Variants in AJAP1 observed in about 807,000 individuals in gnomAD.
AJAP1 encodes the protein adherens junction-associated protein 1.
AJAP1 carries 5 observed loss-of-function variants against 35.0 expected under a neutral mutation model. The observed-to-expected ratio is 0.14, with a 90% confidence interval of 0.07 to 0.30. AJAP1 has a LOEUF of 0.30. Among genes scored for constraint, AJAP1 ranks in the 10% least tolerant of loss-of-function variants. The probability of loss-of-function intolerance (pLI) is 1.00; values close to 1 mark genes in which losing one functional copy is unlikely to be tolerated. For synonymous variants in AJAP1, 284 were observed against 249.3 expected (o/e 1.14, Z -1.31); for missense variants, 586 against 571.0 (o/e 1.03, Z -0.27).
intron 2 of AJAP1, among the ~76,000 whole-genome samples, chr1:4,749,174 C>T (rs963101920): frequency 1.3e-5 from 2 of 152,176 alleles, no homozygotes; most frequent in African/African-American, 2.4e-5. Context: ...TGAGCTCACA[C>T]GGTGAGCAGA....
chr1:4,751,399 GA>G (rs1641317939), intron 2 of AJAP1, among the ~76,000 whole-genome samples: 1 of 152,264 alleles, frequency 6.6e-6, no homozygotes. Flanking sequence ...AGCTAGCAGA[GA>G]GGTCCCAGCC....
At chr1:4,675,326 G>A (rs1173503455) in intron 1 of AJAP1, among the ~76,000 whole-genome samples, 1 of 152,242 alleles carries the variant, frequency 6.6e-6, no homozygotes, top group African/African-American at 2.4e-5. Flanking sequence ...AGCCAGCCAA[G>A]GGAAGACACG....
chr1:4,663,845 C>T (rs928196257), intron 1 of AJAP1, among the ~76,000 whole-genome samples: 1 of 152,076 alleles, frequency 6.6e-6, no homozygotes, highest in Admixed American at 6.5e-5. Flanking sequence ...AGACTGTTTG[C>T]CGTGTCTGCA....
At position 4,677,723 on chromosome 1, in the gene AJAP1, G is replaced by A. The variant is rs189738184; in HGVS notation, c.29+22269G>A. 2.0e-4 allele frequency among the ~76,000 whole-genome samples: 29 copies of A among 141,960 alleles called. No homozygotes were observed. In the South Asian group the frequency reaches 2.2e-3, roughly 11 times the overall value. The allele number at this position is 141,960 out of a possible 152,430, so 93.1% of individuals were successfully genotyped here. On this transcript the variant is annotated intron_variant, in intron 1 of 5. Coordinates refer to ENST00000378191, the MANE Select transcript of AJAP1 (RefSeq NM_018836.4). Reference sequence around the variant, plus strand: ...CAGATGATATTCCAGGTAATGCTCCGAATGAAAATGATGTGCATTCAAAAA... The same window carrying A: ...CAGATGATATTCCAGGTAATGCTCCAAATGAAAATGATGTGCATTCAAAAA...
intron 1 of AJAP1, among the ~76,000 whole-genome samples, chr1:4,700,335 C>T (rs1230000676): frequency 6.6e-6 from 1 of 152,104 alleles, no homozygotes; most frequent in African/African-American, 2.4e-5. Context: ...CTGGGGTCTT[C>T]CACAACATAC....
At chr1:4,762,734 G>A (rs759369590) in intron 2 of AJAP1, among the ~76,000 whole-genome samples, 4 of 152,120 alleles carry the variant, frequency 2.6e-5, no homozygotes, top group African/African-American at 7.2e-5. Flanking sequence ...TAAGCCTGAG[G>A]GTGATTGTGG....
intron 1 of AJAP1, among the ~76,000 whole-genome samples, chr1:4,688,800 A>C (rs555218077): frequency 3.1e-3 from 467 of 148,430 alleles, no homozygotes; most frequent in Middle Eastern, 7.1e-3. Flanking sequence ...AAAAGAAAGG[A>C]TCGTGATGCC....
At chr1:4,758,774 C>T (rs764699741) in intron 2 of AJAP1, among the ~76,000 whole-genome samples, 1 of 152,178 alleles carries the variant, frequency 6.6e-6, no homozygotes, top group Non-Finnish European at 1.5e-5. Context: ...GTGCATACGT[C>T]AGGCTGCTGC....
intron 2 of AJAP1, among the ~76,000 whole-genome samples, chr1:4,714,205 G>A (rs1393023899): frequency 6.6e-6 from 1 of 152,234 alleles, no homozygotes; most frequent in Non-Finnish European, 1.5e-5. Context: ...CAGAGATGGA[G>A]GCTGTGGGCT....
In AJAP1 at chr1:4,770,927, G is replaced by A. The variant is rs559387695; in HGVS notation, c.917+987G>A. On this transcript the variant is annotated intron_variant, in intron 3 of 5. Coordinates refer to ENST00000378191, the MANE Select transcript of AJAP1 (RefSeq NM_018836.4). The stretch of plus-strand genomic sequence containing the variant: ...GACCCCGGGCGTTTTCTGGAGACAG[G>A]GGATGAGAGAACAACACGGAGCTCA... Among the ~76,000 whole-genome samples, 8 of 152,194 alleles carry A rather than the reference G, an allele frequency of 5.3e-5. 1 individual carries two copies. In the South Asian group the frequency reaches 1.2e-3, roughly 24 times the overall value.
intron 5 of AJAP1, among the ~76,000 whole-genome samples, chr1:4,780,545 G>T (rs1642037817): frequency 6.6e-6 from 1 of 152,032 alleles, no homozygotes; most frequent in Non-Finnish European, 1.5e-5. Context: ...GGGCACAGCT[G>T]GAGTAAGGCT....
At chr1:4,771,668 G>A (rs1391987686) in intron 3 of AJAP1, among the ~76,000 whole-genome samples, 1 of 152,176 alleles carries the variant, frequency 6.6e-6, no homozygotes, top group Non-Finnish European at 1.5e-5. Flanking sequence ...TGGTTCAGAG[G>A]AACTAGACCA....
Position 4,723,709 on chromosome 1 carries a change from C to A in AJAP1, c.829+11010C>A, listed in dbSNP as rs191174124. Reference sequence around the variant, plus strand: ...GAATATTTTGAGGAGCTTTGCTCTGCAGGGGTTTGGGGAAAGGGAAGCTGT... The same window carrying A: ...GAATATTTTGAGGAGCTTTGCTCTGAAGGGGTTTGGGGAAAGGGAAGCTGT... On this transcript the variant is annotated intron_variant, in intron 2 of 5. Transcript: ENST00000378191. The surrounding 1 kb of genome is among the most constrained non-coding windows in gnomAD (Gnocchi z 4.3). 2.6e-5 allele frequency among the ~76,000 whole-genome samples: 4 copies of A among 151,862 alleles called. No homozygotes were observed. The East Asian group carries it at 7.7e-4, about 29-fold the overall frequency.
At chr1:4,687,435 G>A (rs1639632383) in intron 1 of AJAP1, among the ~76,000 whole-genome samples, 2 of 152,232 alleles carry the variant, frequency 1.3e-5, no homozygotes, top group South Asian at 4.1e-4. Context: ...TGCTCAGCGT[G>A]AGGTCAAGCC....
chr1:4,712,376 C>T lies in AJAP1; in HGVS notation c.506C>T (p.Ser169Phe). The change falls in exon 2 of 6, where the codon TCC becomes TTC. Residue 169 changes from serine (S) to phenylalanine (F), a missense_variant. Transcript: ENST00000378191. ...GGGGACGGTCTCAGCAGCTTCGACT[C>T]CAGAGGCAGCCGGCCCACCACAGAG... is the stretch of plus-strand genomic sequence containing the variant. ...LQGDGLSSFDSRGSRPTTETE... is the reference protein window; with the variant it reads ...LQGDGLSSFDFRGSRPTTETE... 6.5e-7 allele frequency: 1 copy of T among 1,543,990 alleles called. No individual in the cohort carries two copies. Among genetic ancestry groups the T allele is most frequent in the Non-Finnish European group, 8.7e-7 (1 of 1,143,582 alleles).
rs1392743471 is a variant in AJAP1, at chr1:4,734,423, A to G, written c.829+21724A>G. On this transcript the variant is annotated intron_variant, in intron 2 of 5. Coordinates refer to ENST00000378191, the MANE Select transcript of AJAP1 (RefSeq NM_018836.4). The surrounding 1 kb of genome is among the most constrained non-coding windows in gnomAD (Gnocchi z 4.3). Reference sequence around the variant, plus strand: ...GCAGAGGCAGAGGCCCCGAGAGGTTAAGTGACTTGCCTGAGGTCACACAGC... The same window carrying G: ...GCAGAGGCAGAGGCCCCGAGAGGTTGAGTGACTTGCCTGAGGTCACACAGC... 6.6e-6 allele frequency among the ~76,000 whole-genome samples: 1 copy of G among 152,172 alleles called. No homozygotes were observed. Among genetic ancestry groups the G allele is most frequent in the African/African-American group, 2.4e-5 (1 of 41,448 alleles).
At chr1:4,677,252 G>A (rs1455335385) in intron 1 of AJAP1, among the ~76,000 whole-genome samples, 2 of 152,078 alleles carry the variant, frequency 1.3e-5, no homozygotes. Context: ...TAAGTGACAT[G>A]TGGCTGGGAT....
chr1:4,673,823 CT>C (rs1639298873), intron 1 of AJAP1, among the ~76,000 whole-genome samples: 1 of 152,120 alleles, frequency 6.6e-6, no homozygotes, highest in Middle Eastern at 3.4e-3. Flanking sequence ...CTGATCAAGG[CT>C]TTATACGAGT....
chr1:4,691,952 G>A (rs1639749324), intron 1 of AJAP1, among the ~76,000 whole-genome samples: 2 of 152,138 alleles, frequency 1.3e-5, no homozygotes, highest in African/African-American at 2.4e-5. Flanking sequence ...GGGTCTCCAG[G>A]GCTCAGAAGA....
Sources: gnomAD v4.1 joint callset for allele counts (sites outside exome capture counted in the v4.1 genomes callset) on GRCh38, gnomAD v4.1.1 for gene constraint, Gnocchi (gnomAD v3.1) non-coding constraint, MANE v1.5 for transcripts, NCBI Gene and HGNC (gene_info 2026-07-23, HGNC 2026-07-21) for gene names.